SERHL2: variants seen among roughly 807,000 people sequenced by gnomAD.
SERHL2 encodes the protein serine hydrolase like 2.
In SERHL2, 29 loss-of-function variants were observed where a neutral mutation model predicts 25.5. The ratio of observed to expected loss-of-function variants is 1.14; its 90% CI spans 0.85 to 1.55. The LOEUF (loss-of-function observed/expected upper bound fraction) is 1.55. SERHL2 is among the 40% of genes most tolerant of loss of function. The pLI is 0.00. For synonymous variants in SERHL2, 95 were observed against 103.5 expected, an observed-to-expected ratio of 0.92 and a Z score of 0.50; for missense variants, 240 against 252.3, an observed-to-expected ratio of 0.95 and a Z score of 0.33.
At chr22:42,567,793 CTA>C (rs1923615949) in intron 9 of SERHL2, among the ~76,000 whole-genome samples, 1 of 151,612 alleles carries the variant, frequency 6.6e-6, no homozygotes, top group African/African-American at 2.4e-5. Flanking sequence ...TGCAATGGCA[CTA>C]TCTCAGCTCA....
intron 8 of SERHL2, chr22:42,565,169 A>G (rs1923197857): frequency 6.5e-6 from 1 of 152,922 alleles, no homozygotes; most frequent in South Asian, 2.1e-4. Context: ...GTCCTCCTCT[A>G]TCGGGGATGG....
At chr22:42,566,930 T>C (rs1923471088) in intron 9 of SERHL2, among the ~76,000 whole-genome samples, 1 of 152,178 alleles carries the variant, frequency 6.6e-6, no homozygotes, top group Non-Finnish European at 1.5e-5. Flanking sequence ...CTCTGAGCCT[T>C]GGTTGTCTCA....
chr22:42,560,296 A>C, intron 8 of SERHL2, 31 bp downstream of exon 8: 1 of 1,506,286 alleles, frequency 6.6e-7, no homozygotes, highest in Non-Finnish European at 9.2e-7. Flanking sequence ...AGGCCATTTT[A>C]TATTTGTCAC....
At chr22:42,554,878 G>T (rs1227970058) in intron 1 of SERHL2, 60 bp from the exon 2 acceptor site, 1 of 1,538,032 alleles carries the variant, frequency 6.5e-7, no homozygotes, top group African/African-American at 1.4e-5. Flanking sequence ...AGGGGCTCAG[G>T]GAGCACCAGC....
chr22:42,572,944 G>A (rs917094961), intron 11 of SERHL2: 1 of 155,408 alleles, frequency 6.4e-6, no homozygotes, highest in Non-Finnish European at 1.4e-5. Context: ...TGCTGGTTTT[G>A]TAGATGGGAG....
intron 9 of SERHL2, among the ~76,000 whole-genome samples, chr22:42,567,575 A>G (rs1923569539): frequency 6.6e-6 from 1 of 151,466 alleles, no homozygotes; most frequent in Admixed American, 6.6e-5. Context: ...GAGGCAGGAG[A>G]ATGGCGTGAA....
chr22:42,568,549 C>A (rs1923724610), intron 9 of SERHL2, among the ~76,000 whole-genome samples: 1 of 151,962 alleles, frequency 6.6e-6, no homozygotes, highest in African/African-American at 2.4e-5. Flanking sequence ...ACCCATAATG[C>A]TGGAAGGAAG....
chr22:42,571,550 C>A, intron 10 of SERHL2: 1 of 926,530 alleles, frequency 1.1e-6, no homozygotes, highest in Non-Finnish European at 1.3e-6. Flanking sequence ...CTCAGCCTCC[C>A]GAGTAGCTGG....
In SERHL2 at chr22:42,563,392, T is replaced by TG. The variant is rs377200581; in HGVS notation, c.614-2910dup. On this transcript the variant is annotated intron_variant, in intron 8 of 11. Transcript: ENST00000327678. ...TAATTTTTGTATTTTTTTGTAGAGA[T>TG]GGAGTTTCGCCATGTTGCCCAGGCT... The TG allele has an allele frequency of 5.8e-4, 250 of 428,290 alleles. 3 individuals are homozygous for TG. Among genetic ancestry groups the TG allele is most frequent in the African/African-American group, 3.9e-3 (189 of 48,850 alleles). The allele number at this position is 428,290 out of a possible 1,614,324, so 26.5% of individuals were successfully genotyped here. A position where few individuals can be genotyped will look rare whatever the true frequency, so the allele number is the denominator to read the frequency against.
chr22:42,556,816 G>A (rs1248295482), intron 6 of SERHL2: 1 of 406,304 alleles, frequency 2.5e-6, no homozygotes, highest in Non-Finnish European at 4.2e-6. Flanking sequence ...AACTGGATGT[G>A]TGGCTCGGGA....
chr22:42,557,601 A>C (rs1601829917), intron 6 of SERHL2, among the ~76,000 whole-genome samples: 2 of 55,398 alleles, frequency 3.6e-5, no homozygotes, highest in Admixed American at 2.5e-4. Context: ...GGCAGATCCC[A>C]TAAGGATAAG....
chr22:42,573,050 C>T (rs574911432), intron 11 of SERHL2, among the ~76,000 whole-genome samples: 41 of 151,944 alleles, frequency 2.7e-4, no homozygotes, highest in Admixed American at 5.2e-4. Context: ...TGACAGTGGG[C>T]GTGCTGGCTG....
chr22:42,563,176 C>A (rs182201622), intron 8 of SERHL2, among the ~76,000 whole-genome samples: 31 of 142,510 alleles, frequency 2.2e-4, no homozygotes, highest in African/African-American at 8.7e-4. Context: ...AAGACCCTGG[C>A]TTTTTCTTTT....
intron 9 of SERHL2, among the ~76,000 whole-genome samples, chr22:42,566,603 G>T (rs137040): frequency 0.17 from 25,748 of 151,468 alleles, 2,872 homozygotes; most frequent in African/African-American, 0.3. Context: ...AATACTTAAT[G>T]ATTGTCAATT....
intron 9 of SERHL2, among the ~76,000 whole-genome samples, chr22:42,568,127 G>C (rs556085314): frequency 6.6e-6 from 1 of 151,966 alleles, no homozygotes; most frequent in African/African-American, 2.4e-5. Context: ...GGGCTGAAGT[G>C]ATCTTCCCAC....
At position 42,571,143 on chromosome 22, in the gene SERHL2, T is replaced by G. The variant is rs199817560; in HGVS notation, c.671T>G (p.Ile224Ser). The part of the protein sequence containing the change: ...LAWAENSIDF[I>S]SRELCAHSIR... The stretch of plus-strand genomic sequence containing the variant: ...CAGGCAGAGAACAGCATTGACTTCA[T>G]CAGCAGGGAGCTGTGTGCGCATTCC... The change falls in exon 10 of 12, where the codon ATC becomes AGC. Residue 224 changes from isoleucine (I) to serine (S), a missense_variant. Ile to Ser is a moderately radical substitution (Grantham distance 142). This residue lies in a region of SERHL2 where 212 missense variants were observed against 168.9 expected (regional missense o/e 1.25). Coordinates refer to ENST00000327678, the MANE Select transcript of SERHL2 (RefSeq NM_014509.5). 6.2e-7 allele frequency: 1 copy of G among 1,613,330 alleles called. No individual in the cohort carries two copies. The highest frequency in any genetic ancestry group is 1.3e-5 in the African/African-American group (1 of 74,894).
chr22:42,562,687 C>G (rs1480905137), intron 8 of SERHL2, among the ~76,000 whole-genome samples: 2 of 151,972 alleles, frequency 1.3e-5, no homozygotes, highest in Non-Finnish European at 2.9e-5. Flanking sequence ...CCTACGGACT[C>G]CAGGAGGAGA....
intron 10 of SERHL2, chr22:42,571,582 G>A (rs939799920): frequency 5.4e-6 from 3 of 552,856 alleles, no homozygotes; most frequent in Admixed American, 4.8e-5. Context: ...CCCGCCACCA[G>A]GCCTGGCTTA....
At chr22:42,572,029 G>A (rs1323481877) in intron 10 of SERHL2, 1 of 154,318 alleles carries the variant, frequency 6.5e-6, no homozygotes, top group Non-Finnish European at 1.4e-5. Context: ...TCCTGTAATT[G>A]TGACGATGGT....
Sources: gnomAD v4.1 joint callset for allele counts (sites outside exome capture counted in the v4.1 genomes callset) on GRCh38, gnomAD v4.1.1 for gene constraint, gnomAD v4.1.1 regional missense constraint, MANE v1.5 for transcripts, NCBI Gene and HGNC (gene_info 2026-07-23, HGNC 2026-07-21) for gene names.